The following RARB variants were observed in gnomAD, a reference collection of about 807,000 sequenced individuals.
RARB encodes the protein HBV-activated protein.
RARB carries 17 observed loss-of-function variants against 51.9 expected under a neutral mutation model. That is an observed-to-expected ratio of 0.33 (90% CI 0.22 to 0.49). The LOEUF (loss-of-function observed/expected upper bound fraction) is 0.49, where lower values mean the gene tolerates loss of function less well. RARB is among the 20% of genes least tolerant of loss of function. The pLI is 0.99. For synonymous variants in RARB, 215 were observed against 195.4 expected (o/e 1.10, Z -0.84); for missense variants, 369 against 550.8 (o/e 0.67, Z 3.30).
chr3:25,007,881 C>T (rs368328070), intron 2 of RARB, among the ~76,000 whole-genome samples: 3 of 151,956 alleles, frequency 2.0e-5, no homozygotes, highest in Non-Finnish European at 4.4e-5. Context: ...AGTTTAATTC[C>T]ATGCTCGCTT....
chr3:25,437,207 G>A (rs944785526), intron 1 of RARB, among the ~76,000 whole-genome samples: 6 of 151,420 alleles, frequency 4.0e-5, no homozygotes, highest in African/African-American at 1.5e-4. Flanking sequence ...AACCTAGGTG[G>A]CAGTCCTTTC....
rs189381477 is a variant in RARB at position 25,285,540 on chromosome 3, T to C, written c.178+110965T>C. On this transcript the variant is annotated intron_variant, in intron 5 of 11. Coordinates refer to the RARB transcript ENST00000383772. ...AGAAACAGTTGGAGTTGAACTTGAA[T>C]TGAACCTGACAGACCAATTAAGATG... Among the ~76,000 whole-genome samples the C allele has an allele frequency of 8.3e-4, 127 of 152,222 alleles. 1 individual carries two copies. The highest frequency in any genetic ancestry group is 2.9e-3 in the African/African-American group (119 of 41,538).
intron 5 of RARB, among the ~76,000 whole-genome samples, chr3:25,408,205 T>C (rs1479856357): frequency 3.3e-5 from 5 of 152,220 alleles, no homozygotes; most frequent in African/African-American, 1.2e-4. Flanking sequence ...TAACATCTAA[T>C]GATGGGCTAT....
chr3:25,584,168 CCTT>C (rs753530815), intron 5 of RARB, among the ~76,000 whole-genome samples: 1 of 151,964 alleles, frequency 6.6e-6, no homozygotes, highest in Non-Finnish European at 1.5e-5. Flanking sequence ...TCCCTCCCAT[CCTT>C]CTCTTCTTCC....
intron 4 of RARB, 147 bp downstream of exon 4, chr3:25,570,065 G>T: frequency 1.7e-6 from 2 of 1,197,302 alleles, no homozygotes; most frequent in South Asian, 3.1e-5. Context: ...GCCAGCTGGG[G>T]CTATGTAGTA....
At chr3:24,868,478 C>CA (rs974485930) in intron 2 of RARB, among the ~76,000 whole-genome samples, 34 of 151,114 alleles carry the variant, frequency 2.2e-4, no homozygotes, top group Admixed American at 4.6e-4. Flanking sequence ...AAACAAACAA[C>CA]AAAAAAAAAT....
At chr3:25,118,830 G>A (rs1040824506) in intron 3 of RARB, among the ~76,000 whole-genome samples, 1 of 151,920 alleles carries the variant, frequency 6.6e-6, no homozygotes, top group Non-Finnish European at 1.5e-5. Flanking sequence ...CAGACAAATG[G>A]GAATGGAGGT....
At chr3:25,460,765 C>A (rs1695139885) in intron 1 of RARB, among the ~76,000 whole-genome samples, 2 of 152,136 alleles carry the variant, frequency 1.3e-5, no homozygotes, top group African/African-American at 4.8e-5. Flanking sequence ...GTTAAGTGAG[C>A]AACAAGGTCA....
At chr3:25,195,368 A>AAT (rs531750042) in intron 5 of RARB, among the ~76,000 whole-genome samples, 56 of 152,034 alleles carry the variant, frequency 3.7e-4, no homozygotes, top group Non-Finnish European at 6.8e-4. Context: ...GGGCTAAGAG[A>AAT]ATAGATATTT....
intron 2 of RARB, among the ~76,000 whole-genome samples, chr3:25,001,248 A>G (rs1697152130): frequency 6.6e-6 from 1 of 152,312 alleles, no homozygotes; most frequent in South Asian, 2.1e-4. Flanking sequence ...AAAATACATA[A>G]TATAAAACCA....
At chr3:25,551,958 T>C (rs992940956) in intron 3 of RARB, among the ~76,000 whole-genome samples, 10 of 151,752 alleles carry the variant, frequency 6.6e-5, no homozygotes, top group African/African-American at 2.2e-4. Context: ...GCTCAAGGCA[T>C]TTTTTTTATA....
chr3:25,300,652 G>A (rs1342223497), intron 5 of RARB, among the ~76,000 whole-genome samples: 1 of 152,140 alleles, frequency 6.6e-6, no homozygotes, highest in Admixed American at 6.5e-5. Flanking sequence ...AGGACTGTAT[G>A]TATCCCCACC....
At chr3:25,327,976 T>G (rs1704775621) in intron 5 of RARB, among the ~76,000 whole-genome samples, 1 of 152,208 alleles carries the variant, frequency 6.6e-6, no homozygotes, top group Non-Finnish European at 1.5e-5. Context: ...TAGTTGGCTT[T>G]GCAGTAAAAA....
At chr3:24,968,184 T>A (rs1044835919) in intron 2 of RARB, among the ~76,000 whole-genome samples, 1 of 152,160 alleles carries the variant, frequency 6.6e-6, no homozygotes, top group Non-Finnish European at 1.5e-5. Flanking sequence ...CAATTAAGCA[T>A]GTGCTACATA....
chr3:24,995,951 G>A (rs1196097566), intron 2 of RARB, among the ~76,000 whole-genome samples: 1 of 151,944 alleles, frequency 6.6e-6, no homozygotes, highest in Non-Finnish European at 1.5e-5. Context: ...TGGTTTTGGT[G>A]TCAAGGATAT....
intron 2 of RARB, among the ~76,000 whole-genome samples, chr3:24,907,193 C>T (rs1192100979): frequency 2.0e-5 from 3 of 152,182 alleles, no homozygotes; most frequent in African/African-American, 4.8e-5. Flanking sequence ...CAGATTATTT[C>T]AGGGCTGGAG....
At chr3:25,286,238 G>A (rs537502411) in intron 5 of RARB, among the ~76,000 whole-genome samples, 26 of 151,966 alleles carry the variant, frequency 1.7e-4, no homozygotes, top group East Asian at 3.9e-4. Flanking sequence ...ACAGGCGCCC[G>A]CCACCATGCC....
chr3:25,267,510 A>G (rs1703154847), intron 5 of RARB, among the ~76,000 whole-genome samples: 1 of 151,972 alleles, frequency 6.6e-6, no homozygotes, highest in Admixed American at 6.6e-5. Context: ...TCTACCACTT[A>G]CTTCTTTGAT....
intron 5 of RARB, among the ~76,000 whole-genome samples, chr3:25,202,057 C>T (rs1449616077): frequency 6.6e-6 from 1 of 152,168 alleles, no homozygotes; most frequent in Admixed American, 6.5e-5. Flanking sequence ...GTGAATCTGT[C>T]TGGTCCTGGA....
Sources: allele counts gnomAD v4.1 joint callset (sites outside exome capture counted in the v4.1 genomes callset), GRCh38; gene constraint gnomAD v4.1.1; transcripts MANE v1.5; gene names NCBI Gene and HGNC (gene_info 2026-07-23, HGNC 2026-07-21).